Variants in AGMO observed in about 807,000 individuals in gnomAD.
AGMO encodes glyceryl-ether monooxygenase.
AGMO carries 75 observed loss-of-function variants against 60.2 expected under a neutral mutation model. The observed-to-expected ratio is 1.25, with a 90% CI of 1.03 to 1.51. The LOEUF (loss-of-function observed/expected upper bound fraction) is 1.51. Among genes scored for constraint, AGMO ranks in the 40% most tolerant of loss-of-function variants. AGMO has a pLI of 0.00. For synonymous variants in AGMO, 261 were observed against 177.1 expected, an observed-to-expected ratio of 1.47 and a Z score of -3.76; for missense variants, 763 against 525.5, an observed-to-expected ratio of 1.45 and a Z score of -4.42.
Position 15,365,760 on chromosome 7 carries a change from T to C in AGMO, c.1158-141A>G, listed in dbSNP as rs182350213. ...TGAAAAGCATGTCCCCTGAAGCAAT[T>C]TGAAAACAGTGATTAAGAAAGAACA... On this transcript the variant is annotated intron_variant, in intron 11 of 12. Transcript: ENST00000342526. 5.3e-3 allele frequency: 3,264 copies of C among 613,528 alleles called. 13 individuals carry two copies. Among genetic ancestry groups the C allele is most frequent in the South Asian group, 8.9e-3 (355 of 39,926 alleles). 38.0% of individuals were successfully genotyped at this position (613,528 alleles called of 1,614,324 possible).
At chr7:15,544,677 T>G (rs1784724867) in intron 3 of AGMO, 95 bp downstream of exon 3, 3 of 1,032,072 alleles carry the variant, frequency 2.9e-6, no homozygotes, top group Admixed American at 6.2e-5. Flanking sequence ...ATTTTATTCC[T>G]GTATTTATCC....
chr7:15,198,956 T>A (rs971457919), downstream of AGMO, among the ~76,000 whole-genome samples: 4 of 152,136 alleles, frequency 2.6e-5, no homozygotes, highest in African/African-American at 9.7e-5. Context: ...TGTGGCTAAT[T>A]TGTTAGTCCC....
chr7:15,464,735 T>C (rs773120307), intron 3 of AGMO, among the ~76,000 whole-genome samples: 1 of 152,192 alleles, frequency 6.6e-6, no homozygotes, highest in Non-Finnish European at 1.5e-5. Context: ...TGCATTGTGT[T>C]GTAGTTGTGA....
chr7:15,492,722 TA>T (rs1199082409), intron 3 of AGMO, among the ~76,000 whole-genome samples: 4 of 152,084 alleles, frequency 2.6e-5, no homozygotes, highest in African/African-American at 9.7e-5. Flanking sequence ...GCTTGAGACT[TA>T]GATGGTATGC....
intron 12 of AGMO, among the ~76,000 whole-genome samples, chr7:15,318,701 T>C (rs955112252): frequency 1.3e-5 from 2 of 152,228 alleles, no homozygotes; most frequent in African/African-American, 2.4e-5. Context: ...TTTAACCTTT[T>C]AATTTAATTA....
chr7:15,237,986 CTT>C (rs1222800848), intron 12 of AGMO, among the ~76,000 whole-genome samples: 2 of 152,082 alleles, frequency 1.3e-5, no homozygotes, highest in African/African-American at 4.8e-5. Flanking sequence ...AGAAGCCTAA[CTT>C]TGATTAGTCC....
At chr7:15,496,339 T>C (rs1353901165) in intron 3 of AGMO, among the ~76,000 whole-genome samples, 2 of 152,100 alleles carry the variant, frequency 1.3e-5, no homozygotes, top group Non-Finnish European at 2.9e-5. Context: ...GTGCTGAGAG[T>C]AAATCAATGT....
At chr7:15,389,754 C>T (rs1394690766) in intron 8 of AGMO, among the ~76,000 whole-genome samples, 1 of 152,132 alleles carries the variant, frequency 6.6e-6, no homozygotes, top group Non-Finnish European at 1.5e-5. Context: ...ACCTTGGTTT[C>T]CTCCATCAGA....
chr7:15,385,563 C>G lies in AGMO; in HGVS notation c.958-1G>C, dbSNP rs549085660. On this transcript the variant is annotated splice_acceptor_variant, in intron 9 of 12. Transcript: ENST00000342526. LOFTEE classifies it high-confidence loss of function. ...AGAAGGGAACTTCTTTGCCGGTGAC[C>G]TAGGGAGACAAGAACCATTTCCTTT... 3.3e-5 allele frequency: 51 copies of G among 1,564,256 alleles called. No individual in the cohort carries two copies. The African/African-American group carries it at 4.5e-4, about 14-fold the overall frequency.
chr7:15,304,798 C>T (rs1051646544), intron 12 of AGMO, among the ~76,000 whole-genome samples: 14 of 151,952 alleles, frequency 9.2e-5, no homozygotes, highest in African/African-American at 3.4e-4. Flanking sequence ...AATGATAAGC[C>T]TTCCTCTAAG....
Position 15,200,358 on chromosome 7 carries a change from T to G in AGMO, c.*927A>C, listed in dbSNP as rs1359538541. The G allele has an allele frequency of 1.3e-5, 2 of 152,234 alleles. No individual in the cohort carries two copies. The highest frequency in any genetic ancestry group is 4.8e-5 in the African/African-American group (2 of 41,474). The allele number at this position is 152,234 out of a possible 1,614,324, so 9.4% of individuals were successfully genotyped here. On this transcript the variant is annotated 3_prime_UTR_variant, in exon 13 of 13. Transcript: ENST00000342526. ...ATTTAGAGAATTAACATTGTTCTGA[T>G]AACTTTAAATAATGCAGAATTGCTG...
At chr7:15,516,543 C>T (rs754419726) in intron 3 of AGMO, among the ~76,000 whole-genome samples, 3 of 152,110 alleles carry the variant, frequency 2.0e-5, no homozygotes, top group Admixed American at 1.3e-4. Flanking sequence ...TTAAAAAAGT[C>T]GGATTACTGA....
At chr7:15,405,242 A>G (rs1784656439) in intron 5 of AGMO, among the ~76,000 whole-genome samples, 2 of 151,904 alleles carry the variant, frequency 1.3e-5, no homozygotes, top group African/African-American at 4.8e-5. Flanking sequence ...TATTGTAGAC[A>G]ATCTACTTAA....
chr7:15,165,376 C>G, the AGMO span, among the ~76,000 whole-genome samples: 19 of 152,168 alleles, frequency 1.2e-4, no homozygotes, highest in African/African-American at 4.3e-4. Context: ...CTCCCTGAAT[C>G]TATAAACATT....
At chr7:15,211,549 G>A (rs1242778762) in intron 12 of AGMO, among the ~76,000 whole-genome samples, 1 of 151,544 alleles carries the variant, frequency 6.6e-6, no homozygotes, top group East Asian at 1.9e-4. Context: ...TTTACAACAT[G>A]GTGTTCCATG....
the AGMO span, among the ~76,000 whole-genome samples, chr7:15,157,382 T>C: frequency 6.6e-6 from 1 of 152,194 alleles, no homozygotes; most frequent in Admixed American, 6.5e-5. Flanking sequence ...AGAGTATGTG[T>C]TATGTAAATA....
chr7:15,233,041 TATAAA>T (rs1394418349), intron 12 of AGMO, among the ~76,000 whole-genome samples: 3 of 152,164 alleles, frequency 2.0e-5, no homozygotes, highest in Non-Finnish European at 4.4e-5. Flanking sequence ...TGCATCCCAT[TATAAA>T]ATCATACTAT....
At chr7:15,322,825 C>T (rs1781214806) in intron 12 of AGMO, among the ~76,000 whole-genome samples, 1 of 138,602 alleles carries the variant, frequency 7.2e-6, no homozygotes, top group Non-Finnish European at 1.5e-5. Flanking sequence ...ATACATGTGA[C>T]ACATAGCACA....
rs1781244302 is a variant in AGMO, at chr7:15,200,406, C to T, written c.*879G>A. The stretch of plus-strand genomic sequence containing the variant: ...CTGCATGCTGCCCAGTCTGCCAAAA[C>T]AAATTGACCAAGCATATTAGAGAAA... On this transcript the variant is annotated 3_prime_UTR_variant, in exon 13 of 13. Transcript: ENST00000342526. The T allele has an allele frequency of 1.3e-5, 2 of 152,228 alleles. No homozygotes were observed. Among genetic ancestry groups the T allele is most frequent in the Admixed American group, 6.5e-5 (1 of 15,290 alleles). The allele number at this position is 152,228 out of a possible 1,614,324, so 9.4% of individuals were successfully genotyped here. A position where few individuals can be genotyped will look rare whatever the true frequency, so the allele number is the denominator to read the frequency against.
Sources: allele counts gnomAD v4.1 joint callset (sites outside exome capture counted in the v4.1 genomes callset), GRCh38; gene constraint gnomAD v4.1.1; transcripts MANE v1.5; gene names NCBI Gene and HGNC (gene_info 2026-07-23, HGNC 2026-07-21).